The following CSMD1 variants were observed in gnomAD, a reference collection of about 807,000 sequenced individuals.
CSMD1 encodes the protein CUB and sushi domain-containing protein 1.
In CSMD1, 213 loss-of-function variants were observed where a neutral mutation model predicts 417.5. The observed-to-expected ratio is 0.51, with a 90% CI of 0.46 to 0.57. CSMD1 has a LOEUF of 0.57. Among genes scored for constraint, CSMD1 ranks in the 20% least tolerant of loss-of-function variants. The pLI is 0.00. For missense variants in CSMD1, 6,923 were observed against 4,529.7 expected, an observed-to-expected ratio of 1.53 and a Z score of -15.17; for synonymous variants, 2,862 against 1,736.8, an observed-to-expected ratio of 1.65 and a Z score of -16.11.
At chr8:4,148,838 G>C (rs540006057) in intron 3 of CSMD1, among the ~76,000 whole-genome samples, 3 of 152,222 alleles carry the variant, frequency 2.0e-5, no homozygotes, top group Non-Finnish European at 2.9e-5. Flanking sequence ...GCTGCCTTTG[G>C]CTTGTGTCCT....
intron 1 of CSMD1, among the ~76,000 whole-genome samples, chr8:4,707,466 C>T (rs1338789387): frequency 1.3e-5 from 2 of 152,254 alleles, no homozygotes; most frequent in African/African-American, 2.4e-5. Context: ...TTAACAGAAA[C>T]GCCTGAATTT....
At position 3,749,980 on chromosome 8, in the gene CSMD1, C is replaced by A. The variant is rs553721140; in HGVS notation, c.931+3950G>T. On this transcript the variant is annotated intron_variant, in intron 6 of 69. Coordinates refer to ENST00000635120, the MANE Select transcript of CSMD1 (RefSeq NM_033225.6). ...TTCAGCTTGATGGTAAAACAGTTTT[C>A]TAAAACGGTCATATCAATTCAGATT... 2.0e-3 allele frequency among the ~76,000 whole-genome samples: 298 copies of A among 152,182 alleles called. 1 individual carries two copies. The highest frequency in any genetic ancestry group is 6.7e-3 in the African/African-American group (280 of 41,510).
chr8:4,578,332 A>ATTTTTCTTTTTTTTTTTTTTT (rs1799238990), intron 2 of CSMD1, among the ~76,000 whole-genome samples: 2 of 48,776 alleles, frequency 4.1e-5, no homozygotes, highest in African/African-American at 1.5e-4. Context: ...CACCCGGCTC[A>ATTTTTCTTTTTTTTTTTTTTT]TTTTTTTTTT....
At position 3,347,920 on chromosome 8, in the gene CSMD1, GA is replaced by G. The variant is rs374800472; in HGVS notation, c.3474+71del. ...TAATATGTGCATATATCTATATGTA[GA>G]AAAATAGATAGACAATGTATTTTTT... On this transcript the variant is annotated intron_variant, in intron 22 of 69. Coordinates refer to ENST00000635120, the MANE Select transcript of CSMD1 (RefSeq NM_033225.6). The G allele has an allele frequency of 1.0e-4, 108 of 1,051,802 alleles. 2 individuals carry two copies. The African/African-American group carries it at 1.2e-3, about 11-fold the overall frequency. 65.2% of individuals were successfully genotyped at this position (1,051,802 alleles called of 1,614,324 possible). A position where few individuals can be genotyped will look rare whatever the true frequency, so the allele number is the denominator to read the frequency against.
At chr8:3,625,006 C>A (rs1238952246) in intron 7 of CSMD1, among the ~76,000 whole-genome samples, 1 of 152,002 alleles carries the variant, frequency 6.6e-6, no homozygotes, top group Non-Finnish European at 1.5e-5. Flanking sequence ...TCATTTCTTT[C>A]TTGCAGCCAT....
chr8:3,008,954 A>T (rs914414033), intron 52 of CSMD1, among the ~76,000 whole-genome samples: 1 of 152,178 alleles, frequency 6.6e-6, no homozygotes, highest in African/African-American at 2.4e-5. Flanking sequence ...TCCGACAAGT[A>T]CCTAGACCTG....
At chr8:4,358,717 C>T (rs533903243) in intron 3 of CSMD1, among the ~76,000 whole-genome samples, 1 of 152,132 alleles carries the variant, frequency 6.6e-6, no homozygotes, top group Non-Finnish European at 1.5e-5. Context: ...GTAGCTTAAT[C>T]ATTAAAATAT....
rs190306147 is a variant in CSMD1, at chr8:3,714,273, A to G, written c.932-5782T>C. 4.6e-5 allele frequency among the ~76,000 whole-genome samples: 7 copies of G among 151,310 alleles called. No individual in the cohort carries two copies. In the East Asian group the frequency reaches 1.4e-3, roughly 29 times the overall value. On this transcript the variant is annotated intron_variant, in intron 6 of 69. Coordinates refer to ENST00000635120, the MANE Select transcript of CSMD1 (RefSeq NM_033225.6). ...GTTCTCTAATTTAATTTGTCTTACA[A>G]TTATTTAATCAATAGATTTCTGTTA...
intron 5 of CSMD1, among the ~76,000 whole-genome samples, chr8:3,863,926 G>C (rs1349807538): frequency 1.3e-5 from 2 of 152,072 alleles, no homozygotes; most frequent in Non-Finnish European, 1.5e-5. Context: ...GAAGCTTATG[G>C]AAAAATGACC....
chr8:4,775,139 T>C (rs1796783879), intron 1 of CSMD1, among the ~76,000 whole-genome samples: 1 of 152,178 alleles, frequency 6.6e-6, no homozygotes, highest in Non-Finnish European at 1.5e-5. Flanking sequence ...AACAGAATTT[T>C]CCCCAGGAAA....
intron 11 of CSMD1, among the ~76,000 whole-genome samples, chr8:3,491,664 T>G (rs1363459046): frequency 6.6e-6 from 1 of 152,190 alleles, no homozygotes; most frequent in Non-Finnish European, 1.5e-5. Context: ...TTTAAGGGAA[T>G]ATACAGAACA....
At chr8:2,949,256 C>A in intron 68 of CSMD1, 43 bp downstream of exon 68, 1 of 1,129,540 alleles carries the variant, frequency 8.9e-7, no homozygotes, top group South Asian at 1.3e-5. Flanking sequence ...ATTGGAAAGC[C>A]AAACTGATAT....
chr8:3,957,432 C>T (rs1048949832), intron 5 of CSMD1, among the ~76,000 whole-genome samples: 5 of 152,172 alleles, frequency 3.3e-5, no homozygotes, highest in African/African-American at 1.2e-4. Context: ...AAACCCAGCA[C>T]TTTGGGAGGC....
chr8:3,476,903 A>G (rs1159474391), intron 11 of CSMD1, among the ~76,000 whole-genome samples: 2 of 91,582 alleles, frequency 2.2e-5, no homozygotes, highest in African/African-American at 1.0e-4. Flanking sequence ...ACAGAGCGAA[A>G]CTCCGCCTCA....
At chr8:4,496,186 T>C (rs1801968830) in intron 2 of CSMD1, among the ~76,000 whole-genome samples, 1 of 152,160 alleles carries the variant, frequency 6.6e-6, no homozygotes, top group Admixed American at 6.6e-5. Context: ...AAATTTAAAT[T>C]CCATGTTTAT....
intron 3 of CSMD1, among the ~76,000 whole-genome samples, chr8:4,068,264 C>T (rs1290598869): frequency 3.9e-5 from 6 of 151,972 alleles, no homozygotes; most frequent in Admixed American, 3.9e-4. Context: ...TTGCCCTCCT[C>T]GGAGAGTTGA....
chr8:4,773,293 G>C (rs1052841738), intron 1 of CSMD1, among the ~76,000 whole-genome samples: 1 of 152,150 alleles, frequency 6.6e-6, no homozygotes, highest in African/African-American at 2.4e-5. Flanking sequence ...CACCAAGCTA[G>C]CAGTTTGGTG....
chr8:4,683,137 A>G (rs1052807205), intron 1 of CSMD1, among the ~76,000 whole-genome samples: 3 of 151,716 alleles, frequency 2.0e-5, no homozygotes, highest in Non-Finnish European at 2.9e-5. Flanking sequence ...ATGAATTAGT[A>G]TGGTCAGTTC....
intron 5 of CSMD1, among the ~76,000 whole-genome samples, chr8:3,848,974 C>G (rs544750459): frequency 1.3e-5 from 2 of 150,920 alleles, no homozygotes; most frequent in South Asian, 4.2e-4. Context: ...AAAATATACT[C>G]CTAGTTAATC....
Sources: allele counts gnomAD v4.1 joint callset (sites outside exome capture counted in the v4.1 genomes callset), GRCh38; gene constraint gnomAD v4.1.1; transcripts MANE v1.5; gene names NCBI Gene and HGNC (gene_info 2026-07-23, HGNC 2026-07-21).